The following SRPX2 variants were observed in gnomAD, a reference collection of about 807,000 sequenced individuals.
The protein encoded by SRPX2 is sushi repeat containing protein X-linked 2, also known as sushi repeat-containing protein SRPX2.
In SRPX2, 26 loss-of-function variants were observed where a neutral mutation model predicts 45.3. The ratio of observed to expected loss-of-function variants is 0.57; its 90% CI spans 0.42 to 0.80. The LOEUF is 0.80. SRPX2 is among the 30% of genes least tolerant of loss of function. The pLI, the probability that SRPX2 is intolerant of heterozygous loss-of-function variation, is 0.00. For missense variants in SRPX2, 355 were observed against 399.8 expected (o/e 0.89, Z 0.95); for synonymous variants, 125 against 143.7 (o/e 0.87, Z 0.93).
At chrX:100,648,933 C>T (rs765561333) in intron 2 of SRPX2, among the ~76,000 whole-genome samples, 1 of 112,691 alleles carries the variant, frequency 8.9e-6, no homozygotes, top group East Asian at 2.8e-4. Context: ...AATGCCCACT[C>T]TGCTGCTTAC....
At position 100,650,819 on chromosome X, in the gene SRPX2, A is replaced by G. The variant is rs762469858; in HGVS notation, c.117A>G (p.Glu39=). The change falls in exon 3 of 11, where the codon GAA becomes GAG. Residue 39 remains glutamate (E), a synonymous_variant. Coordinates refer to ENST00000373004, the MANE Select transcript of SRPX2 (RefSeq NM_014467.3). ...ACTATCCGGATGAAAGCTACAATGA[A>G]GTATATGCAGAGGAGGTCCCACAGG... ...SGYYPDESYN[E]VYAEEVPQAP... 2 of 1,209,235 alleles carry G rather than the reference A, an allele frequency of 1.7e-6. No individual in the cohort carries two copies. Among genetic ancestry groups the G allele is most frequent in the Admixed American group, 2.2e-5 (1 of 45,741 alleles).
rs755921711 is a variant in SRPX2, at chrX:100,674,734, CCT to C, written c.*3752_*3753del. The C allele has an allele frequency of 3.6e-5, 4 of 111,604 alleles. No individual in the cohort carries two copies. In the South Asian group the frequency reaches 1.5e-3, roughly 42 times the overall value. 9.2% of individuals were successfully genotyped at this position (111,604 alleles called of 1,213,427 possible). ...CAGCTGACTCTGTTGAAAGGGATTT[CCT>C]CTCTGCTATACACTCCTTCCACACA... On this transcript the variant is annotated 3_prime_UTR_variant, in exon 11 of 11. Transcript: ENST00000373004.
At chrX:100,651,701 G>C (rs895026937) in intron 3 of SRPX2, among the ~76,000 whole-genome samples, 9 of 105,927 alleles carry the variant, frequency 8.5e-5, no homozygotes, top group African/African-American at 2.4e-4. Context: ...AGAATCACTT[G>C]AACCTGGGAG....
At position 100,670,850 on chromosome X, in the gene SRPX2, A is replaced by G; in HGVS notation, c.1261A>G (p.Ile421Val). Residue 421 changes from isoleucine to valine, a missense_variant, in exon 11 of 11, where the codon ATT becomes GTT. By Grantham distance (29) the Ile-to-Val change is conservative. Transcript: ENST00000373004. ...LTRSYFNMVL[I>V]DKQGIDRDRY... ...TCGCTCCTACTTCAACATGGTGTTG[A>G]TTGACAAGCAGGGTATTGACCGAGA... The G allele has an allele frequency of 8.3e-7, 1 of 1,211,543 alleles. No homozygotes were observed. Among genetic ancestry groups the G allele is most frequent in the Non-Finnish European group, 1.1e-6 (1 of 895,524 alleles).
intron 9 of SRPX2, 112 bp downstream of exon 9, chrX:100,667,519 G>A (rs962933854): frequency 2.8e-5 from 27 of 966,765 alleles, no homozygotes; most frequent in Non-Finnish European, 4.0e-5. Flanking sequence ...GAAACTTTTT[G>A]TGGATAGCAT....
At chrX:100,663,371 G>A (rs2083194077) in intron 4 of SRPX2, among the ~76,000 whole-genome samples, 1 of 111,787 alleles carries the variant, frequency 8.9e-6, no homozygotes. Context: ...TGCCTACAAT[G>A]AGTCAATTAC....
intron 3 of SRPX2, 143 bp downstream of exon 3, chrX:100,651,008 G>T: frequency 2.0e-6 from 1 of 489,513 alleles, no homozygotes; most frequent in South Asian, 3.0e-5. Flanking sequence ...TTCTCATCAT[G>T]AACTTGGTTA....
intron 3 of SRPX2, among the ~76,000 whole-genome samples, chrX:100,659,898 T>C (rs1241037745): frequency 9.2e-6 from 1 of 108,576 alleles, no homozygotes; most frequent in African/African-American, 3.4e-5. Context: ...GCTGTGTGTG[T>C]GCATCCTTGG....
At chrX:100,665,429 C>G in intron 6 of SRPX2, 60 bp downstream of exon 6, 1 of 1,205,600 alleles carries the variant, frequency 8.3e-7, no homozygotes, top group African/African-American at 1.7e-5. Flanking sequence ...GTCATTCAGG[C>G]TGGTCACATT....
intron 7 of SRPX2, 88 bp from the exon 8 acceptor site, chrX:100,666,666 G>C: frequency 2.7e-6 from 3 of 1,123,580 alleles, no homozygotes; most frequent in Non-Finnish European, 1.2e-6. Flanking sequence ...TAAGTCTTCT[G>C]ATCTAGAAAG....
intron 6 of SRPX2, 79 bp from the exon 7 acceptor site, chrX:100,665,457 G>C: frequency 1.5e-5 from 18 of 1,206,057 alleles, no homozygotes; most frequent in Non-Finnish European, 1.9e-5. Context: ...CACAGGCTAA[G>C]GTGACAGTGG....
At position 100,670,971 on chromosome X, in the gene SRPX2, G is replaced by A. The variant is rs2147652690; in HGVS notation, c.1382G>A (p.Arg461Lys). The part of the protein sequence containing the change: ...NQELTQRREQ[R>K]DICE ...GAGTTGACCCAGCGTCGGGAGCAAA[G>A]GGACATATGCGAGTGAACTTGAGCC... Residue 461 changes from arginine (R) to lysine (K), a missense_variant, in exon 11 of 11, where the codon AGG becomes AAG. Arg to Lys is a conservative substitution (Grantham distance 26). Transcript: ENST00000373004. 1.7e-6 allele frequency: 2 copies of A among 1,209,888 alleles called. No individual in the cohort carries two copies. Among genetic ancestry groups the A allele is most frequent in the East Asian group, 3.0e-5 (1 of 33,814 alleles).
chrX:100,672,515 A>T lies in SRPX2; in HGVS notation c.*1528A>T, dbSNP rs1177010757. 8.9e-6 allele frequency: 1 copy of T among 112,613 alleles called. No homozygotes were observed. The highest frequency in any genetic ancestry group is 1.9e-5 in the Non-Finnish European group (1 of 53,320). The allele number at this position is 112,613 out of a possible 1,213,427, so 9.3% of individuals were successfully genotyped here. On this transcript the variant is annotated 3_prime_UTR_variant, in exon 11 of 11. Coordinates refer to ENST00000373004, the MANE Select transcript of SRPX2 (RefSeq NM_014467.3). ...TTAACCCCATTTTACAGATGAGGAA[A>T]TTGAAGCTGAGTGAGATTAGGTAAT...
chrX:100,663,063 TA>T (rs776682157), intron 4 of SRPX2, among the ~76,000 whole-genome samples: 1 of 111,819 alleles, frequency 8.9e-6, no homozygotes, highest in South Asian at 3.8e-4. Context: ...ATGAATGGGA[TA>T]GAAACACAAA....
chrX:100,662,084 C>T, intron 3 of SRPX2, 92 bp from the exon 4 acceptor site: 1 of 961,133 alleles, frequency 1.0e-6, no homozygotes. Context: ...TCTGGGCTCT[C>T]TATTTTTTTC....
intron 4 of SRPX2, 26 bp from the exon 5 acceptor site, chrX:100,664,748 G>A: frequency 8.4e-7 from 1 of 1,193,007 alleles, no homozygotes; most frequent in Non-Finnish European, 1.1e-6. Context: ...ACAAGCCACT[G>A]AGCTTGCCAC....
At chrX:100,651,422 G>A (rs1257717975) in intron 3 of SRPX2, among the ~76,000 whole-genome samples, 2 of 111,139 alleles carry the variant, frequency 1.8e-5, no homozygotes, top group Non-Finnish European at 3.8e-5. Flanking sequence ...CCTGGTAGAG[G>A]AGGGAGCTAA....
chrX:100,656,867 G>T (rs1407163920), intron 3 of SRPX2, among the ~76,000 whole-genome samples: 1 of 110,633 alleles, frequency 9.0e-6, no homozygotes, highest in African/African-American at 3.3e-5. Context: ...GGTAGTGCTA[G>T]TTCCCTCCCT....
Position 100,665,653 on chromosome X carries a change from A to G in SRPX2, c.777A>G (p.Val259=), listed in dbSNP as rs775755373. The G allele has an allele frequency of 1.4e-5, 17 of 1,211,866 alleles. No individual in the cohort carries two copies. Among genetic ancestry groups the G allele is most frequent in the Non-Finnish European group, 1.7e-5 (15 of 895,549 alleles). Residue 259 remains valine, a synonymous_variant, in exon 7 of 11, where the codon GTA becomes GTG. Coordinates refer to ENST00000373004, the MANE Select transcript of SRPX2 (RefSeq NM_014467.3). ...NRASCKFIVK[V]QVRRCPTLKP... ...CCAGCTGCAAGTTCATTGTGAAAGT[A>G]CAAGGTCAGAAAGAATTATTTAGTT...
Sources: allele counts gnomAD v4.1 joint callset (sites outside exome capture counted in the v4.1 genomes callset), GRCh38; gene constraint gnomAD v4.1.1; transcripts MANE v1.5; gene names NCBI Gene and HGNC (gene_info 2026-07-23, HGNC 2026-07-21).